SPMIP7: variants seen among roughly 807,000 people sequenced by gnomAD.
SPMIP7 encodes sperm microtubule inner protein 7.
the SPMIP7 span, among the ~76,000 whole-genome samples, chr7:50,133,406 C>A: frequency 1.3e-5 from 2 of 152,080 alleles, no homozygotes; most frequent in Non-Finnish European, 2.9e-5. Flanking sequence ...TGACTTTGAC[C>A]AATAGCTGAC....
the SPMIP7 span, among the ~76,000 whole-genome samples, chr7:50,100,051 A>C: frequency 6.6e-6 from 1 of 152,092 alleles, no homozygotes. Flanking sequence ...TGTGCTGAGC[A>C]TATGGGAGAG....
chr7:50,117,504 C>T, the SPMIP7 span: 2 of 241,600 alleles, frequency 8.3e-6, no homozygotes, highest in Non-Finnish European at 1.7e-5. Context: ...CTTCTCTTGT[C>T]TCCTAATTTC....
At chr7:50,109,734 TA>T in the SPMIP7 span, among the ~76,000 whole-genome samples, 1 of 152,192 alleles carries the variant, frequency 6.6e-6, no homozygotes, top group Non-Finnish European at 1.5e-5. Context: ...AAAGAGATTA[TA>T]TATTTTTATT....
At chr7:50,125,599 TG>T in the SPMIP7 span, among the ~76,000 whole-genome samples, 1 of 150,398 alleles carries the variant, frequency 6.6e-6, no homozygotes, top group Non-Finnish European at 1.5e-5. Context: ...TGTGTGTGTG[TG>T]TGTGTGTGTG....
the SPMIP7 span, among the ~76,000 whole-genome samples, chr7:50,136,515 C>T: frequency 6.6e-6 from 1 of 152,140 alleles, no homozygotes; most frequent in African/African-American, 2.4e-5. Flanking sequence ...GGGTGATGAG[C>T]GAGACTCATC....
chr7:50,098,636 C>T, the SPMIP7 span, among the ~76,000 whole-genome samples: 1 of 152,092 alleles, frequency 6.6e-6, no homozygotes, highest in African/African-American at 2.4e-5. Context: ...CTGGTAAAGA[C>T]CTTCTTTCTA....
At chr7:50,122,845 T>G in the SPMIP7 span, among the ~76,000 whole-genome samples, 13 of 152,136 alleles carry the variant, frequency 8.5e-5, no homozygotes, top group Admixed American at 6.5e-4. Context: ...ATCAGACAAA[T>G]GCAAATCAAA....
the SPMIP7 span, among the ~76,000 whole-genome samples, chr7:50,154,921 G>A: frequency 3.9e-5 from 6 of 152,228 alleles, no homozygotes; most frequent in South Asian, 1.2e-3. Flanking sequence ...TCTCACTGTG[G>A]TTTGTATTTC....
chr7:50,141,565 C>T, the SPMIP7 span: 1 of 556,726 alleles, frequency 1.8e-6, no homozygotes, highest in Non-Finnish European at 3.3e-6. Flanking sequence ...TGGGGATTGA[C>T]TCACTTGGGG....
At chr7:50,139,304 G>A in the SPMIP7 span, among the ~76,000 whole-genome samples, 8 of 147,912 alleles carry the variant, frequency 5.4e-5, no homozygotes, top group South Asian at 8.5e-4. Context: ...AGCCAAGATT[G>A]CACCACTGTA....
chr7:50,132,604 C>T, the SPMIP7 span, among the ~76,000 whole-genome samples: 3 of 152,070 alleles, frequency 2.0e-5, no homozygotes, highest in Admixed American at 6.6e-5. Flanking sequence ...ATCTTTTAAG[C>T]TTTCATTGAA....
At chr7:50,100,672 C>T in the SPMIP7 span, among the ~76,000 whole-genome samples, 12 of 151,990 alleles carry the variant, frequency 7.9e-5, no homozygotes, top group African/African-American at 2.7e-4. Flanking sequence ...ATTAGCCAGG[C>T]GTGGTGGTGA....
the SPMIP7 span, among the ~76,000 whole-genome samples, chr7:50,108,394 A>G: frequency 9.2e-5 from 14 of 152,192 alleles, no homozygotes; most frequent in Non-Finnish European, 1.6e-4. Context: ...TACACAAGTG[A>G]GTTTGTAGGA....
the SPMIP7 span, among the ~76,000 whole-genome samples, chr7:50,099,162 T>A: frequency 6.6e-6 from 1 of 152,242 alleles, no homozygotes; most frequent in African/African-American, 2.4e-5. Flanking sequence ...TGTTGTAGTA[T>A]ATGTCCAAAA....
chr7:50,138,974 A>G, the SPMIP7 span, among the ~76,000 whole-genome samples: 1 of 152,196 alleles, frequency 6.6e-6, no homozygotes, highest in Non-Finnish European at 1.5e-5. Flanking sequence ...TGGTTTTGCC[A>G]AATGTGTAAA....
chr7:50,157,827 G>C, the SPMIP7 span, among the ~76,000 whole-genome samples: 1 of 152,114 alleles, frequency 6.6e-6, no homozygotes, highest in Non-Finnish European at 1.5e-5. Flanking sequence ...GCAGAATAGG[G>C]AGTTTGGGAA....
At chr7:50,139,117 G>A in the SPMIP7 span, among the ~76,000 whole-genome samples, 79 of 152,052 alleles carry the variant, frequency 5.2e-4, no homozygotes, top group African/African-American at 1.3e-3. Flanking sequence ...TTGGGAGGCC[G>A]AGGCAGGCAG....
At chr7:50,141,727 CTTTTT>C in the SPMIP7 span, 133 of 76,950 alleles carry the variant, frequency 1.7e-3, 6 homozygotes, top group South Asian at 3.9e-3. Context: ...AGAGGAATCA[CTTTTT>C]TTTTTTTTTT....
At chr7:50,131,224 G>A in the SPMIP7 span, among the ~76,000 whole-genome samples, 1 of 152,126 alleles carries the variant, frequency 6.6e-6, no homozygotes, top group African/African-American at 2.4e-5. Context: ...GATGTATGTC[G>A]AATGTAGAGC....
Sources: allele counts gnomAD v4.1 joint callset (sites outside exome capture counted in the v4.1 genomes callset), GRCh38; gene constraint gnomAD v4.1.1; transcripts MANE v1.5; gene names NCBI Gene and HGNC (gene_info 2026-07-23, HGNC 2026-07-21).